The following COL12A1 variants were observed in gnomAD, a reference collection of about 807,000 sequenced individuals.
The protein encoded by COL12A1 is collagen type XII alpha 1 chain.
In COL12A1, 114 loss-of-function variants were observed where a neutral mutation model predicts 349.7. The observed-to-expected ratio is 0.33, with a 90% CI of 0.28 to 0.38. The LOEUF is 0.38. Ranked by LOEUF, COL12A1 falls within the 10% of genes least tolerant of loss-of-function variation. The pLI is 1.00. For missense variants in COL12A1, 3,284 were observed against 3,756.9 expected (o/e 0.87, Z 3.29); for synonymous variants, 1,369 against 1,329.0 (o/e 1.03, Z -0.66).
In COL12A1 at chr6:75,146,210, A is replaced by G. The variant is rs202092920; in HGVS notation, c.4452T>C (p.Asp1484=). 48 of 1,612,342 alleles carry G rather than the reference A, an allele frequency of 3.0e-5. No individual in the cohort carries two copies. The African/African-American group carries it at 6.3e-4, about 21-fold the overall frequency. Reference sequence around the variant, plus strand: ...GCACATGCATGGTGGTAGGGCCAACATCATAAATATTCAGGCTGACTACAG... The same window carrying G: ...GCACATGCATGGTGGTAGGGCCAACGTCATAAATATTCAGGCTGACTACAG... ...PVPVVSLNIY[D]VGPTTMHVQW... Residue 1484 remains aspartate (D), a synonymous_variant, in exon 24 of 66, where the codon GAT becomes GAC. Transcript: ENST00000322507.
chr6:75,188,769 A>G (rs1769767892), intron 7 of COL12A1, among the ~76,000 whole-genome samples: 2 of 152,168 alleles, frequency 1.3e-5, no homozygotes, highest in South Asian at 4.1e-4. Flanking sequence ...GGTTGGTTAA[A>G]CAGAGTGGGC....
intron 23 of COL12A1, among the ~76,000 whole-genome samples, chr6:75,147,185 G>A (rs888226612): frequency 1.4e-4 from 22 of 152,202 alleles, no homozygotes; most frequent in African/African-American, 2.7e-4. Context: ...AGCGCTGGCC[G>A]TTAGTAAAAG....
intron 16 of COL12A1, among the ~76,000 whole-genome samples, 195 bp downstream of exon 16, chr6:75,155,467 G>A (rs1582145158): frequency 6.6e-6 from 1 of 152,244 alleles, no homozygotes; most frequent in Non-Finnish European, 1.5e-5. Context: ...CCTAAATTCT[G>A]TTGCTGACCC....
At chr6:75,107,027 G>A (rs868349930) in intron 52 of COL12A1, among the ~76,000 whole-genome samples, 4 of 147,686 alleles carry the variant, frequency 2.7e-5, no homozygotes, top group South Asian at 2.2e-4. Context: ...TCAGTCTCCC[G>A]AGTAGCTGGG....
chr6:75,183,416 T>A lies in COL12A1; in HGVS notation c.1525A>T (p.Thr509Ser). Residue 509 changes from threonine (T) to serine (S), a missense_variant, in exon 10 of 66, where the codon ACC becomes TCC. This residue lies in a region of COL12A1 where 2,601 missense variants were observed against 2,824.8 expected (regional missense o/e 0.92). Transcript: ENST00000322507. Reference protein sequence around the residue: ...KVEDIIEAINTFPYRGGSTNT... With the variant: ...KVEDIIEAINSFPYRGGSTNT... The stretch of plus-strand genomic sequence containing the variant: ...GTAGATCCTCCTCTGTAAGGGAAGG[T>A]GTTTATTGCTTCAATTATATCTTCA... The A allele has an allele frequency of 6.2e-7, 1 of 1,614,230 alleles. No homozygotes were observed. Among genetic ancestry groups the A allele is most frequent in the Non-Finnish European group, 8.5e-7 (1 of 1,180,044 alleles).
At chr6:75,156,643 C>T (rs966983964) in intron 14 of COL12A1, 120 bp from the exon 15 acceptor site, 5 of 898,170 alleles carry the variant, frequency 5.6e-6, no homozygotes, top group African/African-American at 5.1e-5. Context: ...TGTTCCATTG[C>T]TTAGCATTGT....
chr6:75,118,402 A>G lies in COL12A1; in HGVS notation c.7354+641T>C, dbSNP rs150264073. 2.5e-3 allele frequency among the ~76,000 whole-genome samples: 387 copies of G among 152,348 alleles called. 2 individuals are homozygous for G. The highest frequency in any genetic ancestry group is 3.8e-3 in the Non-Finnish European group (258 of 68,032). On this transcript the variant is annotated intron_variant, in intron 46 of 65. Transcript: ENST00000322507. ...ACTTTATAATTTACTACAACAAATT[A>G]TGCATAAGATTCTCTCTAAAAATAT...
At chr6:75,144,886 A>G (rs1448421314) in intron 25 of COL12A1, among the ~76,000 whole-genome samples, 2 of 152,238 alleles carry the variant, frequency 1.3e-5, no homozygotes, top group Non-Finnish European at 2.9e-5. Flanking sequence ...TTCTACATCA[A>G]CAAGAACTTG....
intron 8 of COL12A1, among the ~76,000 whole-genome samples, chr6:75,187,145 T>A (rs1769667280): frequency 2.2e-5 from 2 of 91,752 alleles, no homozygotes; most frequent in Non-Finnish European, 4.5e-5. Context: ...AAAATAATTT[T>A]AAAAATAAAT....
Position 75,156,365 on chromosome 6 carries a change from T to C in COL12A1, c.3142A>G (p.Thr1048Ala), listed in dbSNP as rs1173204106. Residue 1048 changes from threonine (T) to alanine (A), a missense_variant, in exon 15 of 66, where the codon ACT becomes GCT. Transcript: ENST00000322507. ...TGAAGTCGCTTTAACACTGTCGAAG[T>C]GACTGTGGGGGGCACCTTAGCAACC... ...QMVAKVPPTV[T>A]STVLKRLQPQ... is the part of the protein sequence containing the mutation. 4 of 1,613,872 alleles carry C rather than the reference T, an allele frequency of 2.5e-6. No homozygotes were observed. The highest frequency in any genetic ancestry group is 3.4e-6 in the Non-Finnish European group (4 of 1,179,906).
chr6:75,103,995 A>G (rs1768427107), intron 54 of COL12A1, among the ~76,000 whole-genome samples, 185 bp from the exon 55 acceptor site: 1 of 152,218 alleles, frequency 6.6e-6, no homozygotes, highest in African/African-American at 2.4e-5. Flanking sequence ...AAAACTTTGT[A>G]CATTCTGAGT....
At chr6:75,125,040 A>C (rs1765944540) in intron 40 of COL12A1, 87 bp downstream of exon 40, 21 of 1,311,810 alleles carry the variant, frequency 1.6e-5, no homozygotes, top group Non-Finnish European at 2.1e-5. Flanking sequence ...AAACATGTAT[A>C]TGTTCAGAAA....
In COL12A1 at chr6:75,152,500, A is replaced by C; in HGVS notation, c.3566-18T>G. On this transcript the variant is annotated intron_variant, in intron 17 of 65. Transcript: ENST00000322507. Reference sequence around the variant, plus strand: ...CTCCATCCCTGACATGGCAATCATGAGACAAGACAGTAAGAAGCAAATTGT... The same window carrying C: ...CTCCATCCCTGACATGGCAATCATGCGACAAGACAGTAAGAAGCAAATTGT... 1 of 1,612,810 alleles carries C rather than the reference A, an allele frequency of 6.2e-7. No individual in the cohort carries two copies. The highest frequency in any genetic ancestry group is 8.5e-7 in the Non-Finnish European group (1 of 1,179,414).
intron 3 of COL12A1, among the ~76,000 whole-genome samples, chr6:75,193,725 C>T (rs191188430): frequency 6.6e-6 from 1 of 151,240 alleles, no homozygotes; most frequent in Non-Finnish European, 1.5e-5. Flanking sequence ...ATCCCTCCCC[C>T]CTCCCCACAC....
Position 75,131,995 on chromosome 6 carries a change from A to C in COL12A1, c.5882T>G (p.Val1961Gly). Residue 1961 changes from valine to glycine, a missense_variant, in exon 35 of 66, where the codon GTG becomes GGG. By Grantham distance (109) the Val-to-Gly change is moderately radical (BLOSUM62 -3). This residue lies in a region of COL12A1 where 2,601 missense variants were observed against 2,824.8 expected (regional missense o/e 0.92). Transcript: ENST00000322507. ...DVRWDPAPGP[V>G]LQYRVVYSPV... ...AGAATACACAACGCGATATTGCAGC[A>C]CAGGTCCTGGAGCAGGGTCCCAGCG... 6.2e-7 allele frequency: 1 copy of C among 1,614,182 alleles called. No homozygotes were observed. The highest frequency in any genetic ancestry group is 8.5e-7 in the Non-Finnish European group (1 of 1,180,012).
At chr6:75,094,156 CA>C (rs1338814388) in intron 60 of COL12A1, among the ~76,000 whole-genome samples, 1 of 152,078 alleles carries the variant, frequency 6.6e-6, no homozygotes, top group Non-Finnish European at 1.5e-5. Flanking sequence ...ATGAATCATA[CA>C]AGGCAAGCCA....
At chr6:75,101,043 G>A (rs576881292) in intron 58 of COL12A1, among the ~76,000 whole-genome samples, 48 of 152,184 alleles carry the variant, frequency 3.2e-4, no homozygotes, top group African/African-American at 1.2e-3. Flanking sequence ...GAGAAGACTG[G>A]GTTTCCTGTA....
intron 59 of COL12A1, 33 bp from the exon 60 acceptor site, chr6:75,095,212 T>C (rs773764123): frequency 1.7e-5 from 26 of 1,548,386 alleles, no homozygotes; most frequent in Admixed American, 5.2e-5. Context: ...GGGACTGTTA[T>C]GACAAAGGGA....
At chr6:75,197,019 C>T (rs1347013443) in intron 2 of COL12A1, among the ~76,000 whole-genome samples, 1 of 152,090 alleles carries the variant, frequency 6.6e-6, no homozygotes, top group South Asian at 2.1e-4. Flanking sequence ...ATGGCCAACC[C>T]GCATGGGTAC....
Sources: gnomAD v4.1 joint callset for allele counts (sites outside exome capture counted in the v4.1 genomes callset) on GRCh38, gnomAD v4.1.1 for gene constraint, gnomAD v4.1.1 regional missense constraint, MANE v1.5 for transcripts, NCBI Gene and HGNC (gene_info 2026-07-23, HGNC 2026-07-21) for gene names.